Variants in LUZP2 observed in about 807,000 individuals in gnomAD.
LUZP2 encodes leucine zipper protein 2.
In LUZP2, 52 loss-of-function variants were observed where a neutral mutation model predicts 51.6. The observed-to-expected ratio is 1.01, with a 90% CI of 0.81 to 1.27. LUZP2 has a LOEUF of 1.27. Among genes scored for constraint, LUZP2 ranks in the 50% most tolerant of loss-of-function variants. LUZP2 has a pLI of 0.00. For synonymous variants in LUZP2, 154 were observed against 137.3 expected (o/e 1.12, Z -0.85); for missense variants, 436 against 395.4 (o/e 1.10, Z -0.87).
chr11:25,044,736 G>A (rs1858237232), intron 9 of LUZP2, among the ~76,000 whole-genome samples: 1 of 151,684 alleles, frequency 6.6e-6, no homozygotes. Flanking sequence ...TATAAAACAT[G>A]CTGCTGTAAA....
At chr11:24,886,032 G>A (rs1459027951) in intron 5 of LUZP2, among the ~76,000 whole-genome samples, 1 of 152,070 alleles carries the variant, frequency 6.6e-6, no homozygotes, top group East Asian at 1.9e-4. Flanking sequence ...TAATGCCATG[G>A]CTGGCTGGTG....
intron 10 of LUZP2, among the ~76,000 whole-genome samples, chr11:25,065,729 G>A (rs1471560902): frequency 6.6e-6 from 1 of 151,982 alleles, no homozygotes; most frequent in Non-Finnish European, 1.5e-5. Flanking sequence ...AGAGGAATGA[G>A]GCAAAGAATA....
At chr11:24,845,674 C>G (rs1851176483) in intron 5 of LUZP2, among the ~76,000 whole-genome samples, 1 of 152,148 alleles carries the variant, frequency 6.6e-6, no homozygotes, top group Middle Eastern at 3.2e-3. Flanking sequence ...TTCCTACACT[C>G]TTCTTGTGAT....
chr11:24,591,906 G>C (rs569591101), intron 1 of LUZP2, among the ~76,000 whole-genome samples: 2 of 118,256 alleles, frequency 1.7e-5, no homozygotes, highest in East Asian at 2.1e-4. Context: ...ATTGTCCAAG[G>C]TATATTGTCC....
chr11:24,798,999 G>A (rs2134111539), intron 5 of LUZP2, among the ~76,000 whole-genome samples: 1 of 152,100 alleles, frequency 6.6e-6, no homozygotes, highest in East Asian at 1.9e-4. Context: ...AAATTTACAA[G>A]CTCAGTTTTA....
chr11:24,503,383 A>G (rs994384582), intron 1 of LUZP2, among the ~76,000 whole-genome samples: 1 of 152,212 alleles, frequency 6.6e-6, no homozygotes, highest in African/African-American at 2.4e-5. Flanking sequence ...CTTGCATCAG[A>G]GAAAGTGCAA....
chr11:24,914,725 A>G (rs1214732365), intron 7 of LUZP2, among the ~76,000 whole-genome samples, 187 bp downstream of exon 7: 2 of 152,178 alleles, frequency 1.3e-5, no homozygotes, highest in Non-Finnish European at 2.9e-5. Flanking sequence ...ATTATTTCCT[A>G]CATTCATTCT....
intron 1 of LUZP2, among the ~76,000 whole-genome samples, chr11:24,714,982 C>T (rs1415154765): frequency 6.6e-6 from 1 of 152,160 alleles, no homozygotes; most frequent in East Asian, 1.9e-4. Flanking sequence ...CTCAGCCCAT[C>T]AGCCTTTTGA....
At chr11:24,605,917 A>C (rs1230487335) in intron 1 of LUZP2, among the ~76,000 whole-genome samples, 1 of 151,574 alleles carries the variant, frequency 6.6e-6, no homozygotes, top group Non-Finnish European at 1.5e-5. Context: ...CTGTTAATTC[A>C]AGTGTTTTAG....
intron 1 of LUZP2, among the ~76,000 whole-genome samples, chr11:24,509,508 TATA>T (rs1388514760): frequency 6.7e-6 from 1 of 148,804 alleles, no homozygotes; most frequent in Non-Finnish European, 1.5e-5. Flanking sequence ...ATATGTAATA[TATA>T]ATGTGTATAT....
At chr11:24,857,974 T>G (rs1022626508) in intron 5 of LUZP2, among the ~76,000 whole-genome samples, 5 of 152,160 alleles carry the variant, frequency 3.3e-5, no homozygotes, top group African/African-American at 1.2e-4. Flanking sequence ...CCTATAATTA[T>G]ATGCACATTC....
At chr11:24,538,836 T>C (rs1272746249) in intron 1 of LUZP2, among the ~76,000 whole-genome samples, 1 of 151,884 alleles carries the variant, frequency 6.6e-6, no homozygotes, top group Non-Finnish European at 1.5e-5. Context: ...TTAAATACAT[T>C]GTGCTCTTCA....
intron 1 of LUZP2, among the ~76,000 whole-genome samples, chr11:24,664,695 T>G (rs1856153205): frequency 6.6e-6 from 1 of 152,146 alleles, no homozygotes. Flanking sequence ...ACAGCTTACA[T>G]CATTGCTTCA....
chr11:24,861,657 C>G (rs10834510), intron 5 of LUZP2, among the ~76,000 whole-genome samples: 22,085 of 152,062 alleles, frequency 0.15, 1,695 homozygotes, highest in African/African-American at 0.18. Flanking sequence ...CACTAGTGGC[C>G]GAAGAATGAG....
chr11:24,723,148 C>T (rs527922882), intron 1 of LUZP2, among the ~76,000 whole-genome samples: 10 of 152,042 alleles, frequency 6.6e-5, no homozygotes, highest in African/African-American at 2.4e-4. Flanking sequence ...AGTCACCAAC[C>T]AGGGAAATTC....
intron 1 of LUZP2, among the ~76,000 whole-genome samples, chr11:24,595,260 C>T (rs1376345573): frequency 6.6e-6 from 1 of 150,986 alleles, no homozygotes; most frequent in East Asian, 2.0e-4. Context: ...CACAGAAGTT[C>T]AGCTCTGTTG....
intron 7 of LUZP2, among the ~76,000 whole-genome samples, chr11:24,955,640 C>G (rs1186724206): frequency 2.0e-5 from 3 of 152,028 alleles, no homozygotes. Flanking sequence ...TAATTCACCT[C>G]TCGTTGGCTT....
rs537423963 is a variant in LUZP2 at position 24,628,854 on chromosome 11, C to T, written c.63-100315C>T. 3.8e-4 allele frequency among the ~76,000 whole-genome samples: 58 copies of T among 152,074 alleles called. No homozygotes were observed. The South Asian group carries it at 0.01, about 27-fold the overall frequency. The stretch of plus-strand genomic sequence containing the variant: ...GATTACAGGCATGAGGCCTCTTGCC[C>T]GGCCTGCTTGGTCCTTTATACAGGT... On this transcript the variant is annotated intron_variant, in intron 1 of 11. Transcript: ENST00000336930.
chr11:25,069,435 A>G (rs1278035261), intron 10 of LUZP2, among the ~76,000 whole-genome samples: 1 of 151,918 alleles, frequency 6.6e-6, no homozygotes, highest in African/African-American at 2.4e-5. Flanking sequence ...GATACCTGGT[A>G]AGTTATGGTG....
Sources: allele counts gnomAD v4.1 joint callset (sites outside exome capture counted in the v4.1 genomes callset), GRCh38; gene constraint gnomAD v4.1.1; transcripts MANE v1.5; gene names NCBI Gene and HGNC (gene_info 2026-07-23, HGNC 2026-07-21).